GRK5: variants seen among roughly 807,000 people sequenced by gnomAD.
GRK5 encodes G protein-coupled receptor kinase 5.
GRK5 carries 40 observed loss-of-function variants against 78.4 expected under a neutral mutation model. That is an observed-to-expected ratio of 0.51 (90% confidence interval 0.40 to 0.66). The LOEUF is 0.66. Ranked by LOEUF, GRK5 falls within the 30% of genes least tolerant of loss-of-function variation. The pLI is 0.00. For missense variants in GRK5, 598 were observed against 759.9 expected (o/e 0.79, Z 2.50); for synonymous variants, 289 against 296.8 (o/e 0.97, Z 0.27).
chr10:119,341,490 G>T (rs1288532261), intron 2 of GRK5, among the ~76,000 whole-genome samples: 4 of 152,116 alleles, frequency 2.6e-5, no homozygotes, highest in African/African-American at 9.7e-5. Context: ...ACCCTGCTTG[G>T]TAATCAACTC....
chr10:119,281,835 T>C (rs1446227201), intron 1 of GRK5, among the ~76,000 whole-genome samples: 1 of 152,238 alleles, frequency 6.6e-6, no homozygotes, highest in Non-Finnish European at 1.5e-5. Context: ...ACCAGGCTGC[T>C]ACTTAGCTTT....
At position 119,238,742 on chromosome 10, in the gene GRK5, G is replaced by A. The variant is rs1848972734; in HGVS notation, c.52+30773G>A. 6.6e-6 allele frequency among the ~76,000 whole-genome samples: 1 copy of A among 152,168 alleles called. No homozygotes were observed. Among genetic ancestry groups the A allele is most frequent in the Admixed American group, 6.5e-5 (1 of 15,280 alleles). ...ATTGATGCACTCTAATTTGCCATCT[G>A]GAATTGGTTAGCCACATTCTTCTGG... On this transcript the variant is annotated intron_variant, in intron 1 of 15. Transcript: ENST00000392870. The surrounding 1 kb of genome is among the most constrained non-coding windows in gnomAD (Gnocchi z 4.7).
intron 1 of GRK5, among the ~76,000 whole-genome samples, chr10:119,244,027 G>A (rs1294496799): frequency 6.6e-6 from 1 of 152,196 alleles, no homozygotes; most frequent in African/African-American, 2.4e-5. Flanking sequence ...AGCTACCAGG[G>A]TTTAGTACAC....
In GRK5 at chr10:119,455,347, A is replaced by C. The variant is rs1853384963; in HGVS notation, c.*280A>C. 1 of 632,172 alleles carries C rather than the reference A, an allele frequency of 1.6e-6. No individual in the cohort carries two copies. The allele number at this position is 632,172 out of a possible 1,614,324, so 39.2% of individuals were successfully genotyped here. On this transcript the variant is annotated 3_prime_UTR_variant, in exon 16 of 16. Transcript: ENST00000392870. ...GGATACGACAACTTGCACGTATTTT[A>C]ATAGCGTCATAACTAGAACTGAATT...
intron 4 of GRK5, among the ~76,000 whole-genome samples, chr10:119,407,048 C>T (rs911977867): frequency 5.3e-5 from 8 of 152,320 alleles, no homozygotes; most frequent in African/African-American, 1.2e-4. Context: ...TTCTGGGCCC[C>T]GCACGCAGTT....
rs916297081 is a variant in GRK5, at chr10:119,217,611, G to A, written c.52+9642G>A. Among the ~76,000 whole-genome samples the A allele has an allele frequency of 1.3e-5, 2 of 152,336 alleles. No homozygotes were observed. Among genetic ancestry groups the A allele is most frequent in the African/African-American group, 4.8e-5 (2 of 41,582 alleles). ...TTGCCCCCAAGGGACTGGATGTGAA[G>A]CCCCATGGGTGGTGGTGGTGGGGAC... On this transcript the variant is annotated intron_variant, in intron 1 of 15. Transcript: ENST00000392870. The surrounding 1 kb of genome is among the most constrained non-coding windows in gnomAD (Gnocchi z 4.1).
intron 2 of GRK5, among the ~76,000 whole-genome samples, chr10:119,342,386 G>C (rs1239538171): frequency 6.6e-6 from 1 of 152,200 alleles, no homozygotes; most frequent in Non-Finnish European, 1.5e-5. Flanking sequence ...TTCCTTACTG[G>C]TTGTGACTTT....
chr10:119,318,942 C>G (rs1850537122), intron 1 of GRK5, among the ~76,000 whole-genome samples: 1 of 152,126 alleles, frequency 6.6e-6, no homozygotes, highest in African/African-American at 2.4e-5. Flanking sequence ...CTGGGTTAGC[C>G]ACAGGAGCAA....
intron 1 of GRK5, among the ~76,000 whole-genome samples, chr10:119,278,853 C>CAA (rs1849709611): frequency 2.0e-5 from 3 of 152,146 alleles, no homozygotes; most frequent in Non-Finnish European, 4.4e-5. Flanking sequence ...TATGCACCTG[C>CAA]ACCCCGGTGT....
At chr10:119,275,125 G>C (rs1010513139) in intron 1 of GRK5, among the ~76,000 whole-genome samples, 1 of 152,174 alleles carries the variant, frequency 6.6e-6, no homozygotes, top group Non-Finnish European at 1.5e-5. Flanking sequence ...GCTCAGCTTC[G>C]TAGGTGGTGG....
At chr10:119,433,900 T>C (rs1157041445) in intron 8 of GRK5, among the ~76,000 whole-genome samples, 2 of 152,180 alleles carry the variant, frequency 1.3e-5, no homozygotes, top group East Asian at 1.9e-4. Context: ...AAGATATAAC[T>C]GAGACTGAGC....
intron 3 of GRK5, among the ~76,000 whole-genome samples, chr10:119,387,286 G>A (rs1482129098): frequency 6.6e-6 from 1 of 152,190 alleles, no homozygotes; most frequent in African/African-American, 2.4e-5. Flanking sequence ...TTACAGACGT[G>A]AGCCACCGTG....
chr10:119,217,512 C>T lies in GRK5; in HGVS notation c.52+9543C>T, dbSNP rs1482140016. ...TACTCTCTCGCTGCCTGGGCCCCTC[C>T]TACCAACACATCGGACAAGCGAGGC... is the stretch of plus-strand genomic sequence containing the variant. On this transcript the variant is annotated intron_variant, in intron 1 of 15. Coordinates refer to ENST00000392870, the MANE Select transcript of GRK5 (RefSeq NM_005308.3). The surrounding 1 kb of genome is among the most constrained non-coding windows in gnomAD (Gnocchi z 4.1). 6.6e-6 allele frequency among the ~76,000 whole-genome samples: 1 copy of T among 152,232 alleles called. No homozygotes were observed. The highest frequency in any genetic ancestry group is 1.5e-5 in the Non-Finnish European group (1 of 68,030).
At chr10:119,320,712 G>C (rs748275205) in intron 1 of GRK5, among the ~76,000 whole-genome samples, 4 of 152,250 alleles carry the variant, frequency 2.6e-5, no homozygotes, top group Admixed American at 6.5e-5. Context: ...GAGGCAGGGA[G>C]GGAAATAAAG....
intron 13 of GRK5, among the ~76,000 whole-genome samples, chr10:119,449,132 T>A (rs1853220984): frequency 6.6e-6 from 1 of 152,362 alleles, no homozygotes; most frequent in Admixed American, 6.5e-5. Flanking sequence ...AGAGCTCATG[T>A]GCACCTCTCT....
chr10:119,251,339 C>T (rs11198845), intron 1 of GRK5, among the ~76,000 whole-genome samples: 46,832 of 152,110 alleles, frequency 0.31, 7,972 homozygotes, highest in African/African-American at 0.45. Context: ...ATTTCTTGTT[C>T]AATCAGATTT....
chr10:119,269,399 C>T lies in GRK5; in HGVS notation c.53-57117C>T, dbSNP rs115416409. 4.2e-3 allele frequency among the ~76,000 whole-genome samples: 642 copies of T among 152,190 alleles called. 2 individuals are homozygous for T. The highest frequency in any genetic ancestry group is 0.015 in the African/African-American group (613 of 41,526). ...CGTCCTATAGTCCCTGAACATGCAGCCGAGGGTTCCTGGGGTAGCAGCACC... is the reference window on the plus strand; with the variant it reads ...CGTCCTATAGTCCCTGAACATGCAGTCGAGGGTTCCTGGGGTAGCAGCACC... On this transcript the variant is annotated intron_variant, in intron 1 of 15. Coordinates refer to ENST00000392870, the MANE Select transcript of GRK5 (RefSeq NM_005308.3).
rs1220792004 is a variant in GRK5 at position 119,290,346 on chromosome 10, CAA to C, written c.53-36154_53-36153del. On this transcript the variant is annotated intron_variant, in intron 1 of 15. Transcript: ENST00000392870. ...TGAGTGACAGAGCGAGATTCCGTCT[CAA>C]AAAAAAAAAAAAAAACAAAAAACAA... 4.2e-3 allele frequency among the ~76,000 whole-genome samples: 170 copies of C among 40,016 alleles called. 1 individual carries two copies. Among genetic ancestry groups the C allele is most frequent in the African/African-American group, 0.014 (161 of 11,184 alleles). 26.3% of individuals were successfully genotyped at this position (40,016 alleles called of 152,430 possible).
chr10:119,405,708 A>G (rs1391457663), intron 4 of GRK5, among the ~76,000 whole-genome samples: 1 of 152,094 alleles, frequency 6.6e-6, no homozygotes, highest in Non-Finnish European at 1.5e-5. Context: ...CCAGCTCTGC[A>G]TCCTTGGAGC....
Sources: gnomAD v4.1 joint callset for allele counts (sites outside exome capture counted in the v4.1 genomes callset) on GRCh38, gnomAD v4.1.1 for gene constraint, Gnocchi (gnomAD v3.1) non-coding constraint, MANE v1.5 for transcripts, NCBI Gene and HGNC (gene_info 2026-07-23, HGNC 2026-07-21) for gene names.